RFC2: variants seen among roughly 807,000 people sequenced by gnomAD.
RFC2 encodes the protein A1 40 kDa subunit.
RFC2 carries 34 observed loss-of-function variants against 44.8 expected under a neutral mutation model. The ratio of observed to expected loss-of-function variants is 0.76; its 90% CI spans 0.58 to 1.01. The LOEUF (loss-of-function observed/expected upper bound fraction) is 1.01, where lower values mean the gene tolerates loss of function less well. RFC2 is among the 50% of genes least tolerant of loss of function. The pLI is 0.00. For missense variants in RFC2, 400 were observed against 453.6 expected, an observed-to-expected ratio of 0.88 and a Z score of 1.07; for synonymous variants, 177 against 168.9, an observed-to-expected ratio of 1.05 and a Z score of -0.37.
intron 9 of RFC2, among the ~76,000 whole-genome samples, chr7:74,236,961 C>CATAAATAAATAA (rs111555840): frequency 1.3e-5 from 2 of 151,326 alleles, no homozygotes; most frequent in African/African-American, 4.9e-5. Flanking sequence ...CCTGTTTCTA[C>CATAAATAAATAA]ATAAATAAAT....
intron 6 of RFC2, among the ~76,000 whole-genome samples, chr7:74,242,278 G>A (rs1449534257): frequency 1.3e-5 from 2 of 152,176 alleles, no homozygotes; most frequent in African/African-American, 4.8e-5. Flanking sequence ...GCCTCCAAGA[G>A]TGCAAGAGGG....
In RFC2 at chr7:74,240,170, G is replaced by A. The variant is rs998850228; in HGVS notation, c.536-75C>T. ...ATCCTGCTAGCTCTTTGGTCATAAG[G>A]CTGCAGCTGCACAATCCACACAGCC... On this transcript the variant is annotated intron_variant, in intron 6 of 10. Coordinates refer to ENST00000055077, the MANE Select transcript of RFC2 (RefSeq NM_181471.3). 6 of 1,374,138 alleles carry A rather than the reference G, an allele frequency of 4.4e-6. No individual in the cohort carries two copies. The Admixed American group carries it at 1.1e-4, about 25-fold the overall frequency. The allele number at this position is 1,374,138 out of a possible 1,614,324, so 85.1% of individuals were successfully genotyped here.
chr7:74,251,913 C>T (rs1413032647), intron 2 of RFC2, among the ~76,000 whole-genome samples: 4 of 144,990 alleles, frequency 2.8e-5, no homozygotes, highest in African/African-American at 7.7e-5. Flanking sequence ...CTGGCTAACA[C>T]GGTGAAACCC....
At chr7:74,240,359 G>A (rs1447130142) in intron 6 of RFC2, among the ~76,000 whole-genome samples, 1 of 151,986 alleles carries the variant, frequency 6.6e-6, no homozygotes, top group East Asian at 1.9e-4. Flanking sequence ...AAAATTAGCT[G>A]GGTGTGGTGT....
intron 6 of RFC2, 85 bp from the exon 7 acceptor site, chr7:74,240,180 C>A: frequency 8.1e-7 from 1 of 1,231,928 alleles, no homozygotes. Context: ...GCTGCAGCTG[C>A]ACAATCCACA....
chr7:74,232,083 A>G lies in RFC2; in HGVS notation c.*23T>C. The G allele has an allele frequency of 1.4e-6, 2 of 1,408,314 alleles. No homozygotes were observed. Among genetic ancestry groups the G allele is most frequent in the Non-Finnish European group, 1.0e-6 (1 of 994,770 alleles). The allele number at this position is 1,408,314 out of a possible 1,614,324, so 87.2% of individuals were successfully genotyped here. A position where few individuals can be genotyped will look rare whatever the true frequency, so the allele number is the denominator to read the frequency against. ...TGTACCTCAGAATAGGGCACCTGTA[A>G]GTCAGTCAGTGAAGTCTCTGCTCTA... On this transcript the variant is annotated 3_prime_UTR_variant, in exon 11 of 11. Transcript: ENST00000055077.
chr7:74,253,014 A>G (rs1787059805), intron 1 of RFC2, among the ~76,000 whole-genome samples: 1 of 152,230 alleles, frequency 6.6e-6, no homozygotes, highest in East Asian at 1.9e-4. Flanking sequence ...AGAATTGTAC[A>G]GCATAGGCTT....
chr7:74,235,792 A>G, intron 9 of RFC2, 147 bp from the exon 10 acceptor site: 3 of 625,680 alleles, frequency 4.8e-6, no homozygotes, highest in East Asian at 5.5e-5. Flanking sequence ...GAGAGATAAC[A>G]TTGCAAATGT....
intron 4 of RFC2, among the ~76,000 whole-genome samples, chr7:74,248,573 C>G (rs36117656): frequency 0.29 from 44,091 of 151,414 alleles, 6,559 homozygotes; most frequent in Non-Finnish European, 0.32. Context: ...GCGATCTCAG[C>G]TCACTGTAAC....
chr7:74,252,911 G>A lies in RFC2; in HGVS notation c.114-413C>T, dbSNP rs563894833. Among the ~76,000 whole-genome samples, 220 of 152,240 alleles carry A rather than the reference G, an allele frequency of 1.4e-3. 1 individual carries two copies. The highest frequency in any genetic ancestry group is 2.5e-3 in the Non-Finnish European group (171 of 68,024). ...CATGCATGCCACTATACTCCAGCCC[G>A]GGCTACAGAGTGAGACTCTGTTTCA... On this transcript the variant is annotated intron_variant, in intron 1 of 10. Transcript: ENST00000055077.
chr7:74,235,362 A>G (rs1439176474), intron 10 of RFC2, among the ~76,000 whole-genome samples, 170 bp downstream of exon 10: 9 of 151,658 alleles, frequency 5.9e-5, no homozygotes, highest in African/African-American at 2.2e-4. Flanking sequence ...TTGTATTTTT[A>G]GTAGACAGAG....
At chr7:74,242,821 G>A (rs1026636417) in intron 6 of RFC2, among the ~76,000 whole-genome samples, 1 of 151,850 alleles carries the variant, frequency 6.6e-6, no homozygotes, top group Non-Finnish European at 1.5e-5. Flanking sequence ...TACGCAGGAG[G>A]CTGAAGCACA....
Position 74,231,781 on chromosome 7 carries a change from G to A in RFC2, c.*325C>T, listed in dbSNP as rs1237164137. 6.7e-5 allele frequency: 13 copies of A among 194,974 alleles called. No individual in the cohort carries two copies. Among genetic ancestry groups the A allele is most frequent in the East Asian group, 5.3e-4 (4 of 7,514 alleles). 12.1% of individuals were successfully genotyped at this position (194,974 alleles called of 1,614,324 possible). A position where few individuals can be genotyped will look rare whatever the true frequency, so the allele number is the denominator to read the frequency against. On this transcript the variant is annotated 3_prime_UTR_variant, in exon 11 of 11. Coordinates refer to ENST00000055077, the MANE Select transcript of RFC2 (RefSeq NM_181471.3). Reference sequence around the variant, plus strand: ...TGCAACCTCCACCTCCTGGGTTCAAGCGATTCTCCTGCCACAGCCTCCCGA... The same window carrying A: ...TGCAACCTCCACCTCCTGGGTTCAAACGATTCTCCTGCCACAGCCTCCCGA...
intron 5 of RFC2, among the ~76,000 whole-genome samples, chr7:74,243,656 A>G (rs1323751961): frequency 6.7e-6 from 1 of 150,278 alleles, no homozygotes; most frequent in Non-Finnish European, 1.5e-5. Flanking sequence ...GCTGCAGTGC[A>G]ATGGTGGAAT....
chr7:74,235,584 CG>C lies in RFC2; in HGVS notation c.901del (p.Arg301GlufsTer12), dbSNP rs782697131. 1.2e-5 allele frequency: 19 copies of C among 1,613,864 alleles called. No individual in the cohort carries two copies. Among genetic ancestry groups the C allele is most frequent in the Non-Finnish European group, 1.6e-5 (19 of 1,179,764 alleles). On this transcript the variant is annotated frameshift_variant, in exon 10 of 11. Coordinates refer to ENST00000055077, the MANE Select transcript of RFC2 (RefSeq NM_181471.3). LOFTEE classifies it high-confidence loss of function. ...SPEDIIGNIF[R>X]VCKTFQMAEY... ...TGCCATTTGGAAAGTTTTACACACT[CG>C]AAAGATGTTGCCAATGATATCTTCT...
intron 2 of RFC2, among the ~76,000 whole-genome samples, chr7:74,250,378 A>C (rs939697968): frequency 2.0e-5 from 3 of 151,726 alleles, no homozygotes; most frequent in Non-Finnish European, 4.4e-5. Flanking sequence ...GCAGCCTCCA[A>C]TTCCCAGGCT....
intron 5 of RFC2, 84 bp from the exon 6 acceptor site, chr7:74,243,330 A>G: frequency 2.3e-6 from 2 of 886,722 alleles, no homozygotes; most frequent in Non-Finnish European, 3.8e-6. Context: ...CCAGGACATA[A>G]GACACATCCA....
In RFC2 at chr7:74,240,230, C is replaced by G. The variant is rs868919062; in HGVS notation, c.536-135G>C. 3 of 707,712 alleles carry G rather than the reference C, an allele frequency of 4.2e-6. No individual in the cohort carries two copies. In the Middle Eastern group the frequency reaches 1.2e-3, roughly 272 times the overall value. 43.8% of individuals were successfully genotyped at this position (707,712 alleles called of 1,614,324 possible). On this transcript the variant is annotated intron_variant, in intron 6 of 10. Transcript: ENST00000055077. ...CAATAGAGACTTGGTAGGCCGGACA[C>G]GAGGGCTCACGCCTGAATCCCAGCA... is the stretch of plus-strand genomic sequence containing the variant.
chr7:74,233,897 T>C (rs1223364566), intron 10 of RFC2: 2 of 456,524 alleles, frequency 4.4e-6, no homozygotes, highest in African/African-American at 4.0e-5. Flanking sequence ...GGCAGTTCCT[T>C]ATCGAGTAAA....
Sources: allele counts gnomAD v4.1 joint callset (sites outside exome capture counted in the v4.1 genomes callset), GRCh38; gene constraint gnomAD v4.1.1; transcripts MANE v1.5; gene names NCBI Gene and HGNC (gene_info 2026-07-23, HGNC 2026-07-21).